Variants in FRMPD4 observed in about 807,000 individuals in gnomAD.
FRMPD4 encodes the protein FERM and PDZ domain-containing protein 4.
A neutral mutation model predicts 94.1 loss-of-function variants in FRMPD4; 22 were observed. The observed-to-expected ratio is 0.23, with a 90% CI of 0.17 to 0.33. The LOEUF (loss-of-function observed/expected upper bound fraction) is 0.33, where lower values mean the gene tolerates loss of function less well. Ranked by LOEUF, FRMPD4 falls within the 10% of genes least tolerant of loss-of-function variation. FRMPD4 has a pLI of 1.00. For synonymous variants in FRMPD4, 631 were observed against 548.6 expected (o/e 1.15, Z -2.10); for missense variants, 1,111 against 1,339.9 (o/e 0.83, Z 2.67).
At chrX:12,117,058 C>T (rs1196323090) in intron 3 of FRMPD4, among the ~76,000 whole-genome samples, 2 of 111,726 alleles carry the variant, frequency 1.8e-5, no homozygotes, top group Non-Finnish European at 3.8e-5. Context: ...TTGCTTTTTA[C>T]TTAATGCTAC....
intron 3 of FRMPD4, among the ~76,000 whole-genome samples, chrX:11,946,694 A>G (rs917955315): frequency 8.1e-5 from 9 of 111,277 alleles, no homozygotes; most frequent in Admixed American, 6.7e-4. Context: ...AGTAAAGAAG[A>G]TCACCCTCCC....
At position 12,206,994 on chromosome X, in the gene FRMPD4, G is replaced by T. The variant is rs145923820; in HGVS notation, c.41+67982G>T. ...CTGTTGTTTCCTTCCATATGAAATAGACTCTTATAATGATCCCTTTTCAAT... is the reference window on the plus strand; with the variant it reads ...CTGTTGTTTCCTTCCATATGAAATATACTCTTATAATGATCCCTTTTCAAT... On this transcript the variant is annotated intron_variant, in intron 1 of 16. Transcript: ENST00000675598. Among the ~76,000 whole-genome samples the T allele has an allele frequency of 6.1e-3, 681 of 111,785 alleles. 7 individuals are homozygous for T. The highest frequency in any genetic ancestry group is 0.021 in the African/African-American group (637 of 30,814).
intron 1 of FRMPD4, among the ~76,000 whole-genome samples, chrX:12,420,416 G>C (rs930134288): frequency 1.2e-4 from 13 of 111,891 alleles, no homozygotes; most frequent in Non-Finnish European, 2.3e-4. Flanking sequence ...CCAAGGCACA[G>C]AGCTCATCAA....
At chrX:12,392,320 C>T (rs1050035716) in intron 1 of FRMPD4, among the ~76,000 whole-genome samples, 84 of 103,261 alleles carry the variant, frequency 8.1e-4, no homozygotes, top group Middle Eastern at 9.9e-3. Context: ...GGATTACTGG[C>T]GTGAGCCACC....
intron 1 of FRMPD4, among the ~76,000 whole-genome samples, chrX:12,255,020 G>A (rs1362759389): frequency 9.0e-6 from 1 of 111,168 alleles, no homozygotes; most frequent in Non-Finnish European, 1.9e-5. Context: ...TTGCCCTTCC[G>A]CAATCCAGAA....
intron 2 of FRMPD4, among the ~76,000 whole-genome samples, chrX:12,563,566 T>C (rs2058679940): frequency 8.9e-6 from 1 of 112,378 alleles, no homozygotes; most frequent in African/African-American, 3.2e-5. Flanking sequence ...TTTATATTAC[T>C]GCCAAGGGCT....
At chrX:12,641,088 C>T (rs2059495785) in intron 4 of FRMPD4, among the ~76,000 whole-genome samples, 1 of 111,410 alleles carries the variant, frequency 9.0e-6, no homozygotes. Flanking sequence ...TCATTAGGCA[C>T]TTGTTCATTG....
chrX:12,230,764 C>G (rs1444697363), intron 1 of FRMPD4, among the ~76,000 whole-genome samples: 1 of 102,549 alleles, frequency 9.8e-6, no homozygotes. Flanking sequence ...TTCTAGTCTG[C>G]ATAGAGCTAG....
intron 3 of FRMPD4, among the ~76,000 whole-genome samples, chrX:12,084,477 A>T (rs1438647718): frequency 1.8e-5 from 2 of 112,000 alleles, no homozygotes; most frequent in Non-Finnish European, 3.8e-5. Flanking sequence ...ATGAGTAAAC[A>T]GATGGAATAT....
At chrX:12,402,255 C>A (rs750268064) in intron 1 of FRMPD4, among the ~76,000 whole-genome samples, 1 of 111,111 alleles carries the variant, frequency 9.0e-6, no homozygotes, top group South Asian at 3.8e-4. Flanking sequence ...CGCCACCCCC[C>A]CCACAAAAGC....
chrX:12,578,480 T>C (rs1281734762), intron 2 of FRMPD4, among the ~76,000 whole-genome samples: 1 of 111,862 alleles, frequency 8.9e-6, no homozygotes, highest in Non-Finnish European at 1.9e-5. Context: ...CCCAAATGGA[T>C]GTAAATGTAG....
intron 3 of FRMPD4, among the ~76,000 whole-genome samples, chrX:11,965,819 G>A (rs954022450): frequency 8.9e-6 from 1 of 112,198 alleles, no homozygotes; most frequent in African/African-American, 3.2e-5. Context: ...CCAGTATGGA[G>A]TTTGAATAGT....
chrX:11,935,037 T>C (rs1257646356), intron 3 of FRMPD4, among the ~76,000 whole-genome samples: 1 of 105,390 alleles, frequency 9.5e-6, no homozygotes, highest in African/African-American at 3.5e-5. Flanking sequence ...CTTTGGCCTT[T>C]TGTGACACTG....
chrX:12,110,257 G>A (rs1253465830), intron 3 of FRMPD4, among the ~76,000 whole-genome samples: 1 of 112,155 alleles, frequency 8.9e-6, no homozygotes. Flanking sequence ...ATGCAAGGCT[G>A]GTTCAACATA....
intron 1 of FRMPD4, among the ~76,000 whole-genome samples, chrX:12,465,157 G>T (rs1181876978): frequency 9.0e-6 from 1 of 111,581 alleles, no homozygotes; most frequent in East Asian, 2.8e-4. Context: ...AGAAGGCAAG[G>T]AATCTGGAGT....
At chrX:12,140,784 A>G (rs1173313408) in intron 1 of FRMPD4, among the ~76,000 whole-genome samples, 1 of 112,256 alleles carries the variant, frequency 8.9e-6, no homozygotes, top group African/African-American at 3.2e-5. Context: ...TGATATTCAC[A>G]AATCTGAGTT....
chrX:11,898,050 A>C (rs190057642), intron 3 of FRMPD4, among the ~76,000 whole-genome samples: 1 of 111,537 alleles, frequency 9.0e-6, no homozygotes, highest in East Asian at 2.8e-4. Flanking sequence ...AAGAACAACC[A>C]GTGAGAAGGC....
intron 2 of FRMPD4, among the ~76,000 whole-genome samples, chrX:12,536,680 T>G (rs919914485): frequency 8.9e-6 from 1 of 111,965 alleles, no homozygotes; most frequent in Non-Finnish European, 1.9e-5. Context: ...AAAGAAGGAT[T>G]GTTTAGTAGG....
At chrX:12,615,312 G>C (rs2059225753) in intron 4 of FRMPD4, among the ~76,000 whole-genome samples, 1 of 112,272 alleles carries the variant, frequency 8.9e-6, no homozygotes, top group Admixed American at 9.4e-5. Flanking sequence ...ATTTGACTAA[G>C]TGCTTCATTA....
Sources: allele counts gnomAD v4.1 joint callset (sites outside exome capture counted in the v4.1 genomes callset), GRCh38; gene constraint gnomAD v4.1.1; transcripts MANE v1.5; gene names NCBI Gene and HGNC (gene_info 2026-07-23, HGNC 2026-07-21).